LRRC69: variants seen among roughly 807,000 people sequenced by gnomAD.
The protein encoded by LRRC69 is leucine-rich repeat-containing protein 69.
In LRRC69, 42 loss-of-function variants were observed where a neutral mutation model predicts 37.8. The ratio of observed to expected loss-of-function variants is 1.11; its 90% CI spans 0.87 to 1.44. The LOEUF is 1.44. LRRC69 is among the 40% of genes most tolerant of loss of function. The probability of loss-of-function intolerance (pLI) is 0.00; values close to 1 mark genes in which losing one functional copy is unlikely to be tolerated. For synonymous variants in LRRC69, 141 were observed against 143.1 expected (o/e 0.99, Z 0.11); for missense variants, 357 against 401.9 (o/e 0.89, Z 0.96).
chr8:91,152,935 T>C (rs960759013), intron 5 of LRRC69, among the ~76,000 whole-genome samples: 1 of 151,142 alleles, frequency 6.6e-6, no homozygotes, highest in Non-Finnish European at 1.5e-5. Flanking sequence ...GACTGACAAA[T>C]TGGATAAAGT....
At chr8:91,104,908 C>T (rs1355530515) in intron 1 of LRRC69, among the ~76,000 whole-genome samples, 1 of 152,044 alleles carries the variant, frequency 6.6e-6, no homozygotes, top group Non-Finnish European at 1.5e-5. Context: ...GATATATTTC[C>T]ATAGGAAAAA....
chr8:91,197,133 T>G (rs564910339), intron 6 of LRRC69, among the ~76,000 whole-genome samples: 92 of 152,066 alleles, frequency 6.0e-4, no homozygotes, highest in African/African-American at 2.2e-3. Flanking sequence ...TGCTGGGGGG[T>G]GCCTCCCAGT....
chr8:91,196,273 T>C (rs1400398517), intron 6 of LRRC69, among the ~76,000 whole-genome samples: 1 of 151,856 alleles, frequency 6.6e-6, no homozygotes, highest in African/African-American at 2.4e-5. Context: ...TGGCTGCCCT[T>C]AACATTTTTT....
intron 5 of LRRC69, among the ~76,000 whole-genome samples, chr8:91,152,409 G>T (rs1237235331): frequency 6.6e-6 from 1 of 151,392 alleles, no homozygotes; most frequent in Non-Finnish European, 1.5e-5. Context: ...TGCTTGTTTT[G>T]TCAGGTTTGT....
At chr8:91,136,989 T>C (rs1353385616) in intron 5 of LRRC69, among the ~76,000 whole-genome samples, 1 of 152,094 alleles carries the variant, frequency 6.6e-6, no homozygotes, top group African/African-American at 2.4e-5. Flanking sequence ...GGCTGTTTTC[T>C]CATTTTGGCT....
chr8:91,129,267 C>T (rs1813767977), intron 3 of LRRC69, among the ~76,000 whole-genome samples: 1 of 151,978 alleles, frequency 6.6e-6, no homozygotes, highest in Non-Finnish European at 1.5e-5. Flanking sequence ...AGTTCTTTCT[C>T]CAAATTCGTC....
At chr8:91,145,598 C>T (rs1295755420) in intron 5 of LRRC69, among the ~76,000 whole-genome samples, 1 of 151,852 alleles carries the variant, frequency 6.6e-6, no homozygotes, top group Non-Finnish European at 1.5e-5. Flanking sequence ...AGGAGCCATA[C>T]ATTTAAAACA....
At chr8:91,176,637 A>G (rs1326037188) in intron 5 of LRRC69, among the ~76,000 whole-genome samples, 1 of 152,218 alleles carries the variant, frequency 6.6e-6, no homozygotes, top group Admixed American at 6.5e-5. Flanking sequence ...CTTCCAGTTC[A>G]ATCATGAAGG....
At chr8:91,158,539 C>G in intron 5 of LRRC69, 1 of 1,142,920 alleles carries the variant, frequency 8.7e-7, no homozygotes, top group Non-Finnish European at 1.3e-6. Context: ...GACTTACACA[C>G]TGTACATTTT....
At chr8:91,169,958 A>G (rs1483644501) in intron 5 of LRRC69, among the ~76,000 whole-genome samples, 1 of 102,372 alleles carries the variant, frequency 9.8e-6, no homozygotes, top group East Asian at 2.5e-4. Flanking sequence ...AGTCTTTGCT[A>G]TTGTGAATAA....
chr8:91,156,351 G>T (rs988215779), intron 5 of LRRC69, among the ~76,000 whole-genome samples: 4 of 150,950 alleles, frequency 2.6e-5, no homozygotes, highest in Non-Finnish European at 5.9e-5. Flanking sequence ...TCAGATACTT[G>T]TTGGCCATTT....
intron 5 of LRRC69, among the ~76,000 whole-genome samples, chr8:91,165,996 G>A (rs1809022018): frequency 6.6e-6 from 1 of 151,794 alleles, no homozygotes; most frequent in South Asian, 2.1e-4. Flanking sequence ...CAGCCAGAGT[G>A]CTGACTTGGT....
At chr8:91,203,588 G>A (rs1270022460) in intron 7 of LRRC69, among the ~76,000 whole-genome samples, 2 of 151,120 alleles carry the variant, frequency 1.3e-5, no homozygotes, top group African/African-American at 2.4e-5. Flanking sequence ...TAGTAGAGAT[G>A]GGGTTTTACC....
chr8:91,124,520 C>A, exon 2 of LRRC69: 2 of 1,540,448 alleles, frequency 1.3e-6, no homozygotes, highest in Non-Finnish European at 1.8e-6. Flanking sequence ...GGGAAACAAC[C>A]TTTTAGAAGA....
intron 5 of LRRC69, among the ~76,000 whole-genome samples, chr8:91,177,204 T>C (rs996147739): frequency 3.9e-5 from 6 of 152,196 alleles, no homozygotes. Context: ...ATGCTGCACA[T>C]GTTTATGTGT....
chr8:91,171,074 A>G (rs887881025), intron 5 of LRRC69, among the ~76,000 whole-genome samples: 3 of 151,830 alleles, frequency 2.0e-5, no homozygotes, highest in African/African-American at 7.2e-5. Flanking sequence ...AAACAACCCC[A>G]TCAAAAAGTG....
intron 4 of LRRC69, 61 bp downstream of exon 4, chr8:91,133,366 G>A (rs1308456536): frequency 1.6e-6 from 2 of 1,270,398 alleles, no homozygotes; most frequent in Non-Finnish European, 2.1e-6. Context: ...ATGATGGGAG[G>A]TGGTTATAGA....
At chr8:91,190,121 C>T (rs764214659) in intron 6 of LRRC69, among the ~76,000 whole-genome samples, 1 of 152,146 alleles carries the variant, frequency 6.6e-6, no homozygotes, top group Non-Finnish European at 1.5e-5. Flanking sequence ...CCACATTTGG[C>T]TATGATTCTC....
intron 5 of LRRC69, among the ~76,000 whole-genome samples, chr8:91,188,242 A>G (rs1359405954): frequency 3.3e-5 from 5 of 152,212 alleles, no homozygotes. Context: ...GATTTCCTGT[A>G]CTTTTGAAAC....
Sources: allele counts gnomAD v4.1 joint callset (sites outside exome capture counted in the v4.1 genomes callset), GRCh38; gene constraint gnomAD v4.1.1; transcripts MANE v1.5; gene names NCBI Gene and HGNC (gene_info 2026-07-23, HGNC 2026-07-21).